Variants in GPC4 observed in about 807,000 individuals in gnomAD.
The protein encoded by GPC4 is glypican 4, also known as glypican-4.
A neutral mutation model predicts 35.0 loss-of-function variants in GPC4; 10 were observed. The ratio of observed to expected loss-of-function variants is 0.29; its 90% CI spans 0.18 to 0.48. The LOEUF is 0.48. Among genes scored for constraint, GPC4 ranks in the 20% least tolerant of loss-of-function variants. GPC4 has a pLI of 0.99. For synonymous variants in GPC4, 167 were observed against 170.2 expected (o/e 0.98, Z 0.15); for missense variants, 322 against 451.3 (o/e 0.71, Z 2.60).
chrX:133,330,251 A>C (rs2124125778), intron 2 of GPC4, among the ~76,000 whole-genome samples: 1 of 111,634 alleles, frequency 9.0e-6, no homozygotes, highest in Non-Finnish European at 1.9e-5. Flanking sequence ...GCAAACATTA[A>C]GTTACTAGAT....
intron 1 of GPC4, among the ~76,000 whole-genome samples, chrX:133,353,413 G>C (rs1024673204): frequency 3.6e-5 from 4 of 112,116 alleles, no homozygotes; most frequent in African/African-American, 1.3e-4. Flanking sequence ...AGACAAGCTT[G>C]AGACCGGATG....
intron 1 of GPC4, among the ~76,000 whole-genome samples, chrX:133,346,501 G>A (rs2068491695): frequency 2.7e-5 from 3 of 111,546 alleles, no homozygotes; most frequent in South Asian, 3.8e-4. Flanking sequence ...CATCAAAAGC[G>A]AAGCCACAGG....
At chrX:133,347,507 G>A (rs1453280280) in intron 1 of GPC4, among the ~76,000 whole-genome samples, 1 of 109,290 alleles carries the variant, frequency 9.1e-6, no homozygotes, top group Non-Finnish European at 1.9e-5. Context: ...CTTGCTGTTG[G>A]TCTAAAGCAT....
chrX:133,367,219 A>G (rs1349377142), intron 1 of GPC4, among the ~76,000 whole-genome samples: 2 of 112,220 alleles, frequency 1.8e-5, no homozygotes, highest in East Asian at 2.8e-4. Context: ...ACTTGCAGTC[A>G]ATACCCTCCA....
At chrX:133,359,319 T>C (rs1212966148) in intron 1 of GPC4, among the ~76,000 whole-genome samples, 2 of 111,281 alleles carry the variant, frequency 1.8e-5, no homozygotes, top group South Asian at 3.8e-4. Context: ...AACTTACTTA[T>C]AGTCGCCCCA....
At chrX:133,349,915 G>A (rs916829849) in intron 1 of GPC4, among the ~76,000 whole-genome samples, 3 of 111,370 alleles carry the variant, frequency 2.7e-5, no homozygotes, top group Admixed American at 1.9e-4. Flanking sequence ...CACTGCACTC[G>A]GCTGAGTCAT....
intron 3 of GPC4, among the ~76,000 whole-genome samples, chrX:133,318,806 T>C (rs1427062058): frequency 1.8e-5 from 2 of 111,687 alleles, no homozygotes; most frequent in East Asian, 2.8e-4. Flanking sequence ...AGATGTGTAG[T>C]ACGAGGGTAC....
Position 133,324,308 on chromosome X carries a change from G to A in GPC4, c.548C>T (p.Thr183Ile). Residue 183 changes from threonine to isoleucine, a missense_variant, in exon 3 of 9, where the codon ACA becomes ATA. Thr to Ile is a moderately conservative substitution (Grantham distance 89). Around this residue, in one of 3 missense-constraint regions of GPC4, gnomAD observed 163 missense variants for 277.2 expected, o/e 0.59. Transcript: ENST00000370828. ...GCTCACACATTCCAGATACTCATCT[G>A]TAAAGTGGTACTGGGAGTTCACCAG... The part of the protein sequence containing the change: ...FRLVNSQYHF[T>I]DEYLECVSKY... The A allele has an allele frequency of 8.3e-7, 1 of 1,211,704 alleles. No individual in the cohort carries two copies.
At position 133,414,500 on chromosome X, in the gene GPC4, C is replaced by G. The variant is rs1456787394; in HGVS notation, c.160+306G>C. ...AGTCCTCAGGGGCTTCCCGGGACGG[C>G]GAATAATGCAGGGGGGAGAGGAGGA... On this transcript the variant is annotated intron_variant, in intron 1 of 8. Transcript: ENST00000370828. The G allele has an allele frequency of 8.0e-6, 6 of 751,698 alleles. No homozygotes were observed. In the Admixed American group the frequency reaches 2.6e-4, roughly 33 times the overall value. The allele number at this position is 751,698 out of a possible 1,213,427, so 61.9% of individuals were successfully genotyped here. A position where few individuals can be genotyped will look rare whatever the true frequency, so the allele number is the denominator to read the frequency against.
intron 1 of GPC4, among the ~76,000 whole-genome samples, chrX:133,341,134 T>C (rs2068465200): frequency 9.0e-6 from 1 of 111,690 alleles, no homozygotes; most frequent in Admixed American, 9.5e-5. Context: ...AAAACAAAAC[T>C]CCCTCTTCAC....
chrX:133,395,630 A>T (rs1305445469), intron 1 of GPC4, among the ~76,000 whole-genome samples: 3 of 111,795 alleles, frequency 2.7e-5, no homozygotes, highest in Non-Finnish European at 5.6e-5. Context: ...TCTCAAAAAT[A>T]AAAAAATGAA....
intron 1 of GPC4, among the ~76,000 whole-genome samples, chrX:133,371,398 G>A: frequency 8.9e-6 from 1 of 111,737 alleles, no homozygotes; most frequent in East Asian, 2.8e-4. Context: ...TTGAATTCTG[G>A]TGTTCATTAT....
At chrX:133,393,504 A>C (rs2068729398) in intron 1 of GPC4, among the ~76,000 whole-genome samples, 1 of 109,785 alleles carries the variant, frequency 9.1e-6, no homozygotes, top group Non-Finnish European at 1.9e-5. Flanking sequence ...AGAAAAAAAA[A>C]AAAAACAAAA....
intron 1 of GPC4, among the ~76,000 whole-genome samples, chrX:133,382,156 C>T (rs12392555): frequency 0.019 from 2,142 of 111,822 alleles, 60 homozygotes; most frequent in African/African-American, 0.065. Context: ...GGGTCGGGTG[C>T]GGTGGCTCAT....
At chrX:133,409,775 A>G (rs1375247300) in intron 1 of GPC4, among the ~76,000 whole-genome samples, 1 of 111,930 alleles carries the variant, frequency 8.9e-6, no homozygotes, top group Admixed American at 9.5e-5. Flanking sequence ...AAGCACAGGA[A>G]TAACTCTAAT....
At chrX:133,354,404 CTGTGCTTATCGGT>C (rs2068530389) in intron 1 of GPC4, among the ~76,000 whole-genome samples, 1 of 111,608 alleles carries the variant, frequency 9.0e-6, no homozygotes, top group Non-Finnish European at 1.9e-5. Flanking sequence ...GGCAGCAGTG[CTGTGCTTATCGGT>C]TTGAAATAGT....
rs2068290332 is a variant in GPC4, at chrX:133,306,172, GA to G, written c.878-19del. The G allele has an allele frequency of 8.3e-7, 1 of 1,207,892 alleles. No individual in the cohort carries two copies. Among genetic ancestry groups the G allele is most frequent in the Non-Finnish European group, 1.1e-6 (1 of 893,689 alleles). On this transcript the variant is annotated intron_variant, in intron 4 of 8. Transcript: ENST00000370828. ...CATAGCATCTAATATGAGGTTTGGG[GA>G]AGAACAATACAGCATAAAAAGTCAA...
intron 3 of GPC4, among the ~76,000 whole-genome samples, chrX:133,322,895 A>G (rs1176027948): frequency 8.9e-6 from 1 of 111,835 alleles, no homozygotes; most frequent in Non-Finnish European, 1.9e-5. Context: ...ACTTTGCCCC[A>G]GTATATTTAT....
intron 1 of GPC4, among the ~76,000 whole-genome samples, chrX:133,344,286 C>T (rs1304163673): frequency 1.2e-5 from 1 of 83,932 alleles, no homozygotes; most frequent in Non-Finnish European, 2.2e-5. Flanking sequence ...AGTGCAATGG[C>T]GTGATCTCAG....
Sources: allele counts gnomAD v4.1 joint callset (sites outside exome capture counted in the v4.1 genomes callset), GRCh38; gene constraint gnomAD v4.1.1; regional missense constraint gnomAD v4.1.1; transcripts MANE v1.5; gene names NCBI Gene and HGNC (gene_info 2026-07-23, HGNC 2026-07-21).